Variants in TIMP2 observed in about 807,000 individuals in gnomAD.
TIMP2 encodes metalloproteinase inhibitor 2.
Under a neutral mutation model 24.3 loss-of-function variants are expected in TIMP2, and 5 were observed. The observed-to-expected ratio is 0.21, with a 90% CI of 0.11 to 0.43. The LOEUF is 0.43. Among genes scored for constraint, TIMP2 ranks in the 20% least tolerant of loss-of-function variants. TIMP2 has a pLI of 1.00. For synonymous variants in TIMP2, 130 were observed against 123.2 expected, an observed-to-expected ratio of 1.06 and a Z score of -0.37; for missense variants, 221 against 297.5, an observed-to-expected ratio of 0.74 and a Z score of 1.89.
chr17:78,900,150 T>G (rs2145782779), intron 1 of TIMP2: 1 of 152,326 alleles, frequency 6.6e-6, no homozygotes, highest in South Asian at 2.1e-4. Flanking sequence ...GACCCCAGAA[T>G]GCAATTTGGG....
intron 1 of TIMP2, among the ~76,000 whole-genome samples, chr17:78,894,743 G>T (rs1489591387): frequency 6.6e-6 from 1 of 151,800 alleles, no homozygotes; most frequent in Non-Finnish European, 1.5e-5. Context: ...GTCAGGCAAA[G>T]ATTTCTTAGA....
chr17:78,901,939 G>T, intron 1 of TIMP2: 1 of 604,684 alleles, frequency 1.7e-6, no homozygotes. Flanking sequence ...GGAGGCATCC[G>T]AACCAAGCCC....
chr17:78,885,120 C>A (rs1344805698), intron 1 of TIMP2, among the ~76,000 whole-genome samples: 1 of 152,232 alleles, frequency 6.6e-6, no homozygotes, highest in Non-Finnish European at 1.5e-5. Context: ...CCTCACGGAC[C>A]AACAGGGCGA....
intron 1 of TIMP2, among the ~76,000 whole-genome samples, chr17:78,893,837 T>C (rs897480108): frequency 1.3e-5 from 2 of 152,108 alleles, no homozygotes; most frequent in Non-Finnish European, 2.9e-5. Flanking sequence ...TTGGCAGGCC[T>C]TCCTAGGAAA....
chr17:78,901,611 G>T (rs2070094342), intron 1 of TIMP2, among the ~76,000 whole-genome samples: 4 of 152,162 alleles, frequency 2.6e-5, no homozygotes, highest in Non-Finnish European at 5.9e-5. Flanking sequence ...TAGAATGGCA[G>T]AGTATGGTGC....
At chr17:78,900,128 C>G (rs1004606047) in intron 1 of TIMP2, 25 of 152,294 alleles carry the variant, frequency 1.6e-4, no homozygotes, top group African/African-American at 5.8e-4. Flanking sequence ...ACAGAGGTCC[C>G]ATAAACTAAG....
At chr17:78,911,838 G>A (rs1408377038) in intron 1 of TIMP2, among the ~76,000 whole-genome samples, 4 of 148,310 alleles carry the variant, frequency 2.7e-5, no homozygotes, top group Admixed American at 1.4e-4. Context: ...TTGAGGTCAG[G>A]AGTTCAAGAC....
chr17:78,878,863 G>A (rs1437747626), intron 1 of TIMP2, among the ~76,000 whole-genome samples: 1 of 152,062 alleles, frequency 6.6e-6, no homozygotes, highest in African/African-American at 2.4e-5. Flanking sequence ...AATTGGGGGT[G>A]GGCACCTCCT....
At chr17:78,880,277 C>T (rs1304036359) in intron 1 of TIMP2, among the ~76,000 whole-genome samples, 2 of 152,222 alleles carry the variant, frequency 1.3e-5, no homozygotes, top group African/African-American at 2.4e-5. Flanking sequence ...CCCCTTCATA[C>T]ACCCACCAAC....
chr17:78,867,168 C>T (rs905040361), intron 3 of TIMP2, among the ~76,000 whole-genome samples: 10 of 152,062 alleles, frequency 6.6e-5, no homozygotes, highest in Admixed American at 1.3e-4. Flanking sequence ...GGCTGAGGCA[C>T]GAGAATTGCC....
chr17:78,866,145 A>C (rs2069613619), intron 3 of TIMP2, among the ~76,000 whole-genome samples: 1 of 152,210 alleles, frequency 6.6e-6, no homozygotes, highest in Non-Finnish European at 1.5e-5. Context: ...TACAGGAAAG[A>C]ACTGAAAAGG....
Position 78,855,575 on chromosome 17 carries a change from A to G in TIMP2, c.*92T>C. 2 of 1,393,318 alleles carry G rather than the reference A, an allele frequency of 1.4e-6. No individual in the cohort carries two copies. Among genetic ancestry groups the G allele is most frequent in the South Asian group, 2.5e-5 (2 of 79,064 alleles). The allele number at this position is 1,393,318 out of a possible 1,614,324, so 86.3% of individuals were successfully genotyped here. On this transcript the variant is annotated 3_prime_UTR_variant, in exon 5 of 5. Coordinates refer to ENST00000262768, the MANE Select transcript of TIMP2 (RefSeq NM_003255.5). The surrounding 1 kb of genome is among the most constrained non-coding windows in gnomAD (Gnocchi z 6.0). ...GACCCATGGGATGAGTGTTTTATTC[A>G]TGCTGTTTCCAGGAAGGGATGTCAG... is the stretch of plus-strand genomic sequence containing the variant.
intron 1 of TIMP2, among the ~76,000 whole-genome samples, chr17:78,885,901 C>T (rs1205876259): frequency 1.3e-5 from 2 of 152,178 alleles, no homozygotes; most frequent in Non-Finnish European, 2.9e-5. Flanking sequence ...CCCTTTCTAC[C>T]GCAGTCCAGC....
intron 1 of TIMP2, chr17:78,892,459 C>T: frequency 6.5e-7 from 1 of 1,546,138 alleles, no homozygotes; most frequent in Non-Finnish European, 8.7e-7. Context: ...CCACAGCAAA[C>T]CTACGAGGAA....
intron 1 of TIMP2, among the ~76,000 whole-genome samples, chr17:78,876,208 C>T (rs959899610): frequency 6.6e-6 from 1 of 152,132 alleles, no homozygotes; most frequent in African/African-American, 2.4e-5. Context: ...AATATGAGCG[C>T]CTTTGCAACC....
Position 78,902,094 on chromosome 17 carries a change from C to T in TIMP2, c.130+22865G>A, listed in dbSNP as rs563493456. On this transcript the variant is annotated intron_variant, in intron 1 of 4. Coordinates refer to ENST00000262768, the MANE Select transcript of TIMP2 (RefSeq NM_003255.5). ...ACTCTTAGCCACGTCCCAGTGGTGGCGGGGGGACGGGGGTCCCAAGCCACT... is the reference window on the plus strand; with the variant it reads ...ACTCTTAGCCACGTCCCAGTGGTGGTGGGGGGACGGGGGTCCCAAGCCACT... 1.4e-4 allele frequency among the ~76,000 whole-genome samples: 22 copies of T among 152,272 alleles called. No individual in the cohort carries two copies. The East Asian group carries it at 3.9e-3, about 27-fold the overall frequency.
chr17:78,919,815 C>G (rs2070295410), intron 1 of TIMP2, among the ~76,000 whole-genome samples: 1 of 151,752 alleles, frequency 6.6e-6, no homozygotes, highest in Admixed American at 6.6e-5. Context: ...AGCCTGGAGA[C>G]AGAGTGAGAC....
chr17:78,885,380 A>G (rs890996164), intron 1 of TIMP2, among the ~76,000 whole-genome samples: 7 of 152,346 alleles, frequency 4.6e-5, no homozygotes, highest in Non-Finnish European at 1.0e-4. Flanking sequence ...CTTAGGATGA[A>G]GGTGAACACG....
In TIMP2 at chr17:78,855,966, G is replaced by A; in HGVS notation, c.466-102C>T. The stretch of plus-strand genomic sequence containing the variant: ...CCAGAACCCGGCAATGTGCCTACCT[G>A]TCATGTGCAGGGATGGCAGCCTCTC... On this transcript the variant is annotated intron_variant, in intron 4 of 4. Coordinates refer to ENST00000262768, the MANE Select transcript of TIMP2 (RefSeq NM_003255.5). This position sits in a 1 kb window ranked among gnomAD's most constrained non-coding sequence, Gnocchi z 6.0. 1 of 1,205,494 alleles carries A rather than the reference G, an allele frequency of 8.3e-7. No homozygotes were observed. Among genetic ancestry groups the A allele is most frequent in the Non-Finnish European group, 1.2e-6 (1 of 830,188 alleles). The allele number at this position is 1,205,494 out of a possible 1,614,324, so 74.7% of individuals were successfully genotyped here.
Sources: allele counts gnomAD v4.1 joint callset (sites outside exome capture counted in the v4.1 genomes callset), GRCh38; gene constraint gnomAD v4.1.1; non-coding constraint Gnocchi (gnomAD v3.1); transcripts MANE v1.5; gene names NCBI Gene and HGNC (gene_info 2026-07-23, HGNC 2026-07-21).